Variants in HNRNPK observed in about 807,000 individuals in gnomAD.
The protein encoded by HNRNPK is heterogeneous nuclear ribonucleoprotein K.
HNRNPK carries 7 observed loss-of-function variants against 67.0 expected under a neutral mutation model. That is an observed-to-expected ratio of 0.10 (90% CI 0.06 to 0.20). The LOEUF is 0.20. Among genes scored for constraint, HNRNPK ranks in the 10% least tolerant of loss-of-function variants. The pLI is 1.00. For missense variants in HNRNPK, 264 were observed against 606.5 expected, an observed-to-expected ratio of 0.44 and a Z score of 5.93; for synonymous variants, 213 against 193.7, an observed-to-expected ratio of 1.10 and a Z score of -0.83.
chr9:83,971,422 G>T, intron 12 of HNRNPK, 66 bp from the exon 13 acceptor site: 1 of 1,086,494 alleles, frequency 9.2e-7, no homozygotes, highest in Non-Finnish European at 1.4e-6. Flanking sequence ...TTTTTAATAT[G>T]CCTAATTTGC....
chr9:83,969,051 T>G lies in HNRNPK; in HGVS notation c.*356A>C, dbSNP rs3196513. ...CTGTCCCACCCCCCAAATGTTACAG[T>G]GACCACAAAGCAAGGTGTTCACAAT... On this transcript the variant is annotated 3_prime_UTR_variant, in exon 17 of 17. Transcript: ENST00000376263. 2.4e-6 allele frequency: 1 copy of G among 421,742 alleles called. No individual in the cohort carries two copies. The highest frequency in any genetic ancestry group is 3.5e-5 in the South Asian group (1 of 28,252). 26.1% of individuals were successfully genotyped at this position (421,742 alleles called of 1,614,324 possible). A position where few individuals can be genotyped will look rare whatever the true frequency, so the allele number is the denominator to read the frequency against.
At chr9:83,977,129 A>G in intron 4 of HNRNPK, 78 bp from the exon 5 acceptor site, 1 of 1,028,066 alleles carries the variant, frequency 9.7e-7, no homozygotes, top group Admixed American at 1.9e-5. Context: ...AGATTTTGCT[A>G]AAAAATCCTC....
intron 6 of HNRNPK, among the ~76,000 whole-genome samples, chr9:83,974,900 T>C (rs1957008522): frequency 6.6e-6 from 1 of 152,212 alleles, no homozygotes; most frequent in Non-Finnish European, 1.5e-5. Flanking sequence ...CCGCCACCAC[T>C]GAGTTAAGGA....
intron 4 of HNRNPK, among the ~76,000 whole-genome samples, chr9:83,977,438 A>G (rs768677077): frequency 3.3e-5 from 5 of 152,228 alleles, no homozygotes; most frequent in Non-Finnish European, 7.3e-5. Flanking sequence ...TTAAGATTTA[A>G]TCTATTAACA....
At chr9:83,973,178 C>G (rs948576487) in intron 9 of HNRNPK, 108 bp downstream of exon 9, 2 of 801,822 alleles carry the variant, frequency 2.5e-6, no homozygotes, top group Non-Finnish European at 2.1e-6. Flanking sequence ...TTGCGATAAG[C>G]AATCTTTGGA....
At chr9:83,971,467 G>A (rs1218652691) in intron 12 of HNRNPK, 111 bp from the exon 13 acceptor site, 2 of 842,486 alleles carry the variant, frequency 2.4e-6, no homozygotes, top group Non-Finnish European at 4.0e-6. Flanking sequence ...TACATATATA[G>A]GCAGCAATTT....
Position 83,969,193 on chromosome 9 carries a change from C to G in HNRNPK, c.*214G>C, listed in dbSNP as rs1588406226. The G allele has an allele frequency of 1.8e-6, 1 of 569,306 alleles. No homozygotes were observed. The highest frequency in any genetic ancestry group is 2.8e-5 in the East Asian group (1 of 36,092). The allele number at this position is 569,306 out of a possible 1,614,324, so 35.3% of individuals were successfully genotyped here. ...TTTGCACGCCCTTCCCCCCCCCAAC[C>G]CTGTTTGTAAGGAACTAAAACATTA... is the stretch of plus-strand genomic sequence containing the variant. On this transcript the variant is annotated 3_prime_UTR_variant, in exon 17 of 17. Coordinates refer to ENST00000376263, the MANE Select transcript of HNRNPK (RefSeq NM_031263.4).
chr9:83,974,991 T>A (rs922408703), intron 6 of HNRNPK, among the ~76,000 whole-genome samples: 3 of 152,214 alleles, frequency 2.0e-5, no homozygotes, highest in Non-Finnish European at 4.4e-5. Flanking sequence ...GAACATTGTA[T>A]CTGGAGTAAG....
intron 7 of HNRNPK, 132 bp from the exon 8 acceptor site, chr9:83,974,105 C>T (rs141384822): frequency 2.8e-5 from 16 of 567,112 alleles, no homozygotes; most frequent in African/African-American, 2.3e-4. Context: ...CTTTATTCAA[C>T]ATTAAGACGA....
intron 1 of HNRNPK, among the ~76,000 whole-genome samples, chr9:83,978,923 C>G (rs1957209046): frequency 6.6e-6 from 1 of 152,186 alleles, no homozygotes; most frequent in Non-Finnish European, 1.5e-5. Context: ...CATCCAACAA[C>G]CAGAACAATC....
intron 5 of HNRNPK, 189 bp downstream of exon 5, chr9:83,976,806 C>G (rs189405737): frequency 4.5e-6 from 2 of 444,546 alleles, no homozygotes; most frequent in Admixed American, 3.8e-5. Flanking sequence ...ACCACCCCCC[C>G]ACCCTGCTCA....
intron 5 of HNRNPK, chr9:83,976,666 T>G (rs928069925): frequency 1.5e-5 from 3 of 201,228 alleles, no homozygotes; most frequent in Non-Finnish European, 3.0e-5. Flanking sequence ...CTGTAATTGA[T>G]TCACACACAG....
At chr9:83,978,480 G>A in intron 1 of HNRNPK, 28 bp from the exon 2 acceptor site, 1 of 783,796 alleles carries the variant, frequency 1.3e-6, no homozygotes, top group Non-Finnish European at 1.7e-6. Context: ...AATCAGTTTT[G>A]CTTTTGTTTA....
chr9:83,977,819 CA>C lies in HNRNPK; in HGVS notation c.59-34del, dbSNP rs766182901. 4.5e-6 allele frequency: 6 copies of C among 1,341,190 alleles called. No homozygotes were observed. In the African/African-American group the frequency reaches 8.7e-5, roughly 19 times the overall value. The allele number at this position is 1,341,190 out of a possible 1,614,324, so 83.1% of individuals were successfully genotyped here. On this transcript the variant is annotated intron_variant, in intron 3 of 16. Coordinates refer to ENST00000376263, the MANE Select transcript of HNRNPK (RefSeq NM_031263.4). ...TTAACAGTTCACATTTCAAAGAAAGCAGCGAAGTCTCCAAAGTAACTCCATT... is the reference window on the plus strand; with the variant it reads ...TTAACAGTTCACATTTCAAAGAAAGCGCGAAGTCTCCAAAGTAACTCCATT...
chr9:83,974,265 A>G (rs1180482250), intron 7 of HNRNPK, among the ~76,000 whole-genome samples: 3 of 151,800 alleles, frequency 2.0e-5, no homozygotes, highest in Admixed American at 1.3e-4. Context: ...AGCCCATAAA[A>G]TACATACTAA....
chr9:83,979,086 A>G (rs1564071856), intron 1 of HNRNPK, among the ~76,000 whole-genome samples: 1 of 152,222 alleles, frequency 6.6e-6, no homozygotes, highest in Non-Finnish European at 1.5e-5. Flanking sequence ...GTACAACACA[A>G]CAATCATGCC....
Position 83,970,470 on chromosome 9 carries a change from G to A in HNRNPK, c.1192-139C>T, listed in dbSNP as rs1320220913. The A allele has an allele frequency of 2.5e-5, 18 of 719,618 alleles. No homozygotes were observed. The South Asian group carries it at 3.1e-4, about 13-fold the overall frequency. The allele number at this position is 719,618 out of a possible 1,614,324, so 44.6% of individuals were successfully genotyped here. On this transcript the variant is annotated intron_variant, in intron 15 of 16. Transcript: ENST00000376263. ...TCTAACGCTCCCTAAACCTGTCAAG[G>A]TTTGAGTTATAATGTATTTATGTCA...
chr9:83,976,729 G>A (rs774329617), intron 5 of HNRNPK: 21 of 317,156 alleles, frequency 6.6e-5, no homozygotes, highest in Non-Finnish European at 6.9e-5. Flanking sequence ...TAATTAAGAT[G>A]TTATCTTGCT....
intron 4 of HNRNPK, among the ~76,000 whole-genome samples, chr9:83,977,315 C>G (rs140652790): frequency 6.7e-4 from 102 of 152,248 alleles, no homozygotes; most frequent in African/African-American, 2.3e-3. Context: ...TTTTATAGCA[C>G]CCTTTGGTAA....
Sources: gnomAD v4.1 joint callset for allele counts (sites outside exome capture counted in the v4.1 genomes callset) on GRCh38, gnomAD v4.1.1 for gene constraint, MANE v1.5 for transcripts, NCBI Gene and HGNC (gene_info 2026-07-23, HGNC 2026-07-21) for gene names.